DLGAP1: variants seen among roughly 807,000 people sequenced by gnomAD.
The protein encoded by DLGAP1 is disks large-associated protein 1.
A neutral mutation model predicts 90.8 loss-of-function variants in DLGAP1; 11 were observed. The observed-to-expected ratio is 0.12, with a 90% CI of 0.08 to 0.20. DLGAP1 has a LOEUF of 0.20. Ranked by LOEUF, DLGAP1 falls within the 10% of genes least tolerant of loss-of-function variation. The pLI, the probability that DLGAP1 is intolerant of heterozygous loss-of-function variation, is 1.00. For synonymous variants in DLGAP1, 558 were observed against 540.7 expected (o/e 1.03, Z -0.44); for missense variants, 1,050 against 1,333.8 (o/e 0.79, Z 3.31).
rs191340316 is a variant in DLGAP1 at position 4,342,776 on chromosome 18, C to T, written c.-267+112230G>A. 1.3e-5 allele frequency among the ~76,000 whole-genome samples: 2 copies of T among 152,066 alleles called. No homozygotes were observed. The highest frequency in any genetic ancestry group is 2.1e-4 in the South Asian group (1 of 4,820). On this transcript the variant is annotated intron_variant, in intron 1 of 12. Transcript: ENST00000315677. This position sits in a 1 kb window ranked among gnomAD's most constrained non-coding sequence, Gnocchi z 5.8. ...TTTTAAAAGACACTGGAAATAAACC[C>T]CCCAAAATGAAGAATATTTAATAGA...
At chr18:4,068,436 C>A (rs8088559) in intron 2 of DLGAP1, among the ~76,000 whole-genome samples, 67,159 of 150,892 alleles carry the variant, frequency 0.45, 15,897 homozygotes, top group African/African-American at 0.61. Flanking sequence ...ATATATTTTT[C>A]CATATATTTA....
chr18:4,372,877 G>A (rs1598305152), intron 1 of DLGAP1, among the ~76,000 whole-genome samples: 2 of 151,402 alleles, frequency 1.3e-5, no homozygotes, highest in East Asian at 1.9e-4. Flanking sequence ...GCCGTGAGCC[G>A]AGATCAAGCC....
At chr18:3,772,882 C>T (rs944377192) in intron 5 of DLGAP1, among the ~76,000 whole-genome samples, 1 of 152,126 alleles carries the variant, frequency 6.6e-6, no homozygotes, top group Non-Finnish European at 1.5e-5. Context: ...ACTCTAAGCC[C>T]CCGATAACTC....
intron 7 of DLGAP1, among the ~76,000 whole-genome samples, chr18:3,587,306 C>T (rs756581433): frequency 6.6e-6 from 1 of 152,182 alleles, no homozygotes; most frequent in African/African-American, 2.4e-5. Context: ...TCACCTGCCT[C>T]GGCCTCCCAA....
chr18:4,183,558 T>G (rs1216684800), intron 1 of DLGAP1, among the ~76,000 whole-genome samples: 1 of 152,156 alleles, frequency 6.6e-6, no homozygotes, highest in Non-Finnish European at 1.5e-5. Context: ...CTTTTGACCT[T>G]GTTTCTTGAC....
intron 7 of DLGAP1, among the ~76,000 whole-genome samples, chr18:3,715,541 CGAT>C (rs2061733990): frequency 6.6e-6 from 1 of 152,170 alleles, no homozygotes; most frequent in African/African-American, 2.4e-5. Flanking sequence ...GAATGGATAA[CGAT>C]GATGATGATT....
intron 4 of DLGAP1, among the ~76,000 whole-genome samples, chr18:3,832,418 G>C (rs2068079867): frequency 6.6e-6 from 1 of 152,162 alleles, no homozygotes; most frequent in Non-Finnish European, 1.5e-5. Flanking sequence ...CTTCCTCCTA[G>C]TAACGATGCT....
intron 1 of DLGAP1, among the ~76,000 whole-genome samples, chr18:4,191,917 C>T (rs1223890873): frequency 6.6e-6 from 1 of 152,134 alleles, no homozygotes; most frequent in Non-Finnish European, 1.5e-5. Flanking sequence ...GTCCTCCAAA[C>T]CTACCACAGG....
At chr18:4,170,527 G>C (rs956142289) in intron 1 of DLGAP1, among the ~76,000 whole-genome samples, 1 of 152,070 alleles carries the variant, frequency 6.6e-6, no homozygotes, top group African/African-American at 2.4e-5. Context: ...AAAAAAATAA[G>C]AGATTTAACG....
chr18:3,879,556 G>C lies in DLGAP1; in HGVS notation c.513C>G (p.Asp171Glu), dbSNP rs752407266. ...TGCCATAGCGCGCCGCCTGCGCCTC[G>C]TCAGGGCTGGCCTTGCCCCCGTTGA... ...GSVNGGKASPDEAQAARYGKR... is the reference protein window; with the variant it reads ...GSVNGGKASPEEAQAARYGKR... The change falls in exon 4 of 13, where the codon GAC (aspartate) becomes GAG (glutamate). Residue 171 changes from aspartate (D) to glutamate (E), a missense_variant. By Grantham distance (45) the Asp-to-Glu change is conservative (BLOSUM62 2). This residue lies in a region of DLGAP1 where 485 missense variants were observed against 454.1 expected (regional missense o/e 1.07). Transcript: ENST00000315677. The surrounding 1 kb of genome is among the most constrained non-coding windows in gnomAD (Gnocchi z 6.6). 2 of 1,598,922 alleles carry C rather than the reference G, an allele frequency of 1.3e-6. No homozygotes were observed. Among genetic ancestry groups the C allele is most frequent in the Non-Finnish European group, 1.7e-6 (2 of 1,177,570 alleles).
chr18:3,790,950 C>T (rs1292599038), intron 5 of DLGAP1, among the ~76,000 whole-genome samples: 1 of 152,178 alleles, frequency 6.6e-6, no homozygotes, highest in Non-Finnish European at 1.5e-5. Context: ...CAGGCACAGA[C>T]AAACATGGAG....
chr18:4,364,195 G>A (rs1442431260), intron 1 of DLGAP1, among the ~76,000 whole-genome samples: 6 of 139,432 alleles, frequency 4.3e-5, no homozygotes, highest in African/African-American at 1.6e-4. Flanking sequence ...TCATAGGTGG[G>A]AATTGAACAA....
intron 1 of DLGAP1, among the ~76,000 whole-genome samples, 178 bp from the exon 2 acceptor site, chr18:4,151,465 T>A (rs2144404889): frequency 6.6e-6 from 1 of 152,368 alleles, no homozygotes; most frequent in African/African-American, 2.4e-5. Context: ...TGTATTTTTA[T>A]GCTTTTCAGA....
intron 2 of DLGAP1, among the ~76,000 whole-genome samples, chr18:4,044,724 G>A (rs761659264): frequency 2.0e-5 from 3 of 152,074 alleles, no homozygotes; most frequent in Non-Finnish European, 4.4e-5. Context: ...CTGGGCAACA[G>A]AGCAAGACTC....
chr18:3,971,392 T>C (rs1299477109), intron 3 of DLGAP1, among the ~76,000 whole-genome samples: 2 of 152,238 alleles, frequency 1.3e-5, no homozygotes, highest in African/African-American at 2.4e-5. Flanking sequence ...CTAACCAGTA[T>C]ATATACAGGG....
At chr18:4,037,022 A>T (rs996052981) in intron 2 of DLGAP1, among the ~76,000 whole-genome samples, 2 of 152,178 alleles carry the variant, frequency 1.3e-5, no homozygotes, top group African/African-American at 4.8e-5. Context: ...GTTCATTAGT[A>T]AGAGAGTTCA....
At chr18:3,995,610 C>T (rs1387782128) in intron 3 of DLGAP1, 1 of 151,348 alleles carries the variant, frequency 6.6e-6, no homozygotes, top group African/African-American at 2.4e-5. Flanking sequence ...GCTATTAGAC[C>T]CCATTTATCG....
intron 2 of DLGAP1, among the ~76,000 whole-genome samples, chr18:4,113,451 A>G (rs917832845): frequency 6.6e-6 from 1 of 151,806 alleles, no homozygotes; most frequent in African/African-American, 2.4e-5. Flanking sequence ...AACATTTTTA[A>G]TGGGGTTATT....
Position 3,905,199 on chromosome 18 carries a change from C to T in DLGAP1, c.-72-25059G>A, listed in dbSNP as rs71358030. ...TGGCTAACACAGTGAAACCCCATCT[C>T]TACTAAAAATACAAAAAATTAGCTT... On this transcript the variant is annotated intron_variant, in intron 3 of 12. Coordinates refer to ENST00000315677, the MANE Select transcript of DLGAP1 (RefSeq NM_004746.4). Among the ~76,000 whole-genome samples the T allele has an allele frequency of 4.9e-3, 736 of 150,684 alleles. 8 individuals are homozygous for T. The highest frequency in any genetic ancestry group is 7.2e-3 in the Non-Finnish European group (486 of 67,660).
Sources: gnomAD v4.1 joint callset for allele counts (sites outside exome capture counted in the v4.1 genomes callset) on GRCh38, gnomAD v4.1.1 for gene constraint, gnomAD v4.1.1 regional missense constraint, Gnocchi (gnomAD v3.1) non-coding constraint, MANE v1.5 for transcripts, NCBI Gene and HGNC (gene_info 2026-07-23, HGNC 2026-07-21) for gene names.